CD28: variants seen among roughly 807,000 people sequenced by gnomAD.
CD28 encodes CD28 molecule.
In CD28, 8 loss-of-function variants were observed where a neutral mutation model predicts 21.4. The ratio of observed to expected loss-of-function variants is 0.37; its 90% confidence interval spans 0.22 to 0.68. The LOEUF is 0.68. Ranked by LOEUF, CD28 falls within the 30% of genes least tolerant of loss-of-function variation. The pLI, the probability that CD28 is intolerant of heterozygous loss-of-function variation, is 0.55. For missense variants in CD28, 239 were observed against 272.2 expected, an observed-to-expected ratio of 0.88 and a Z score of 0.86; for synonymous variants, 106 against 104.0, an observed-to-expected ratio of 1.02 and a Z score of -0.12.
chr2:203,708,995 G>A (rs1161000084), intron 1 of CD28, among the ~76,000 whole-genome samples: 4 of 151,948 alleles, frequency 2.6e-5, no homozygotes, highest in African/African-American at 7.3e-5. Context: ...GGTGGCATGC[G>A]CCTGTAATCC....
At chr2:203,721,026 G>T (rs1396329309) in intron 1 of CD28, among the ~76,000 whole-genome samples, 2 of 152,136 alleles carry the variant, frequency 1.3e-5, no homozygotes, top group Non-Finnish European at 2.9e-5. Flanking sequence ...ATGCTATGAG[G>T]ATATAAATAT....
At chr2:203,719,263 C>G (rs1693544964) in intron 1 of CD28, among the ~76,000 whole-genome samples, 1 of 152,134 alleles carries the variant, frequency 6.6e-6, no homozygotes, top group African/African-American at 2.4e-5. Flanking sequence ...CCCCCAATAG[C>G]CTCTTCTTTA....
rs2140148 is a variant in CD28, at chr2:203,707,417, A to T, written c.52+669A>T. 4.5e-3 allele frequency among the ~76,000 whole-genome samples: 682 copies of T among 152,234 alleles called. 5 individuals are homozygous for T. The highest frequency in any genetic ancestry group is 0.016 in the African/African-American group (645 of 41,556). On this transcript the variant is annotated intron_variant, in intron 1 of 3. Coordinates refer to ENST00000324106, the MANE Select transcript of CD28 (RefSeq NM_006139.4). Reference sequence around the variant, plus strand: ...ATAATCCATGCGAAGGGCTTAGCTCAGTCAGGCTTCAAGATAAATGTGAAC... The same window carrying T: ...ATAATCCATGCGAAGGGCTTAGCTCTGTCAGGCTTCAAGATAAATGTGAAC...
At chr2:203,732,666 C>T (rs1186395733) in intron 3 of CD28, among the ~76,000 whole-genome samples, 2 of 152,164 alleles carry the variant, frequency 1.3e-5, no homozygotes, top group South Asian at 2.1e-4. Flanking sequence ...CATTAGCTGA[C>T]ATTCACTGTT....
chr2:203,727,969 G>A (rs1209995421), intron 2 of CD28, among the ~76,000 whole-genome samples: 3 of 151,944 alleles, frequency 2.0e-5, no homozygotes, highest in Non-Finnish European at 4.4e-5. Context: ...GAGCCACCGC[G>A]CCCAGCCATT....
In CD28 at chr2:203,734,708, T is replaced by C. The variant is rs1007911944; in HGVS notation, c.535-76T>C. ...CTCTGTCATTTGACAGTTAATATTA[T>C]GAATAGTTGTGCCCACAGTCTTAGA... On this transcript the variant is annotated intron_variant, in intron 3 of 3. Transcript: ENST00000324106. 11 of 1,539,492 alleles carry C rather than the reference T, an allele frequency of 7.1e-6. 1 individual carries two copies. The African/African-American group carries it at 1.2e-4, about 17-fold the overall frequency.
rs143755569 is a variant in CD28 at position 203,713,523 on chromosome 2, T to C, written c.52+6775T>C. Reference sequence around the variant, plus strand: ...GGAAAGAGTTTCAAAAAGATAGTGGTTAATAGCATTAAACATAAGAGGGAA... The same window carrying C: ...GGAAAGAGTTTCAAAAAGATAGTGGCTAATAGCATTAAACATAAGAGGGAA... On this transcript the variant is annotated intron_variant, in intron 1 of 3. Coordinates refer to ENST00000324106, the MANE Select transcript of CD28 (RefSeq NM_006139.4). Among the ~76,000 whole-genome samples, 197 of 152,018 alleles carry C rather than the reference T, an allele frequency of 1.3e-3. 1 individual carries two copies. Among genetic ancestry groups the C allele is most frequent in the Middle Eastern group, 3.4e-3 (1 of 294 alleles).
chr2:203,713,938 A>T (rs1010867739), intron 1 of CD28, among the ~76,000 whole-genome samples: 5 of 150,018 alleles, frequency 3.3e-5, no homozygotes, highest in Non-Finnish European at 7.4e-5. Flanking sequence ...AGAGAAGGGT[A>T]TTATTAGGAA....
At chr2:203,726,389 C>A (rs1693749358) in intron 1 of CD28, among the ~76,000 whole-genome samples, 1 of 152,104 alleles carries the variant, frequency 6.6e-6, no homozygotes, top group Admixed American at 6.5e-5. Flanking sequence ...TAACAGAAAG[C>A]CATGTACTGC....
At chr2:203,734,399 C>T (rs1028032494) in intron 3 of CD28, among the ~76,000 whole-genome samples, 5 of 152,194 alleles carry the variant, frequency 3.3e-5, no homozygotes, top group Non-Finnish European at 7.3e-5. Context: ...TATGGAAAAA[C>T]AGCTTGTTAA....
intron 2 of CD28, 95 bp from the exon 3 acceptor site, chr2:203,729,553 T>C: frequency 7.8e-7 from 1 of 1,289,976 alleles, no homozygotes; most frequent in South Asian, 1.3e-5. Flanking sequence ...TTAATATTTT[T>C]ATTTCTTTCA....
At position 203,738,435 on chromosome 2, in the gene CD28, G is replaced by T. The variant is rs989913230; in HGVS notation, c.*3523G>T. On this transcript the variant is annotated 3_prime_UTR_variant, in exon 4 of 4. Transcript: ENST00000324106. The stretch of plus-strand genomic sequence containing the variant: ...TTGCTATAGACTTATTAATAATCCA[G>T]GTCAAAGAGAGTGACACACACTCTC... The T allele has an allele frequency of 6.6e-6, 1 of 152,132 alleles. No homozygotes were observed. Among genetic ancestry groups the T allele is most frequent in the Admixed American group, 6.5e-5 (1 of 15,274 alleles). 9.4% of individuals were successfully genotyped at this position (152,132 alleles called of 1,614,324 possible). A position where few individuals can be genotyped will look rare whatever the true frequency, so the allele number is the denominator to read the frequency against.
At chr2:203,728,509 T>C (rs1418133241) in intron 2 of CD28, among the ~76,000 whole-genome samples, 1 of 152,214 alleles carries the variant, frequency 6.6e-6, no homozygotes, top group East Asian at 1.9e-4. Context: ...TCTTCAATGC[T>C]GGAACAGAGC....
chr2:203,713,852 G>GGA (rs57737764), intron 1 of CD28, among the ~76,000 whole-genome samples: 36,080 of 141,384 alleles, frequency 0.26, 4,815 homozygotes, highest in Non-Finnish European at 0.31. Context: ...AGAGAGAGAG[G>GGA]GAGAGAGAGA....
rs928510448 is a variant in CD28 at position 203,737,625 on chromosome 2, T to C, written c.*2713T>C. The C allele has an allele frequency of 2.6e-5, 4 of 152,744 alleles. No individual in the cohort carries two copies. 9.5% of individuals were successfully genotyped at this position (152,744 alleles called of 1,614,324 possible). A position where few individuals can be genotyped will look rare whatever the true frequency, so the allele number is the denominator to read the frequency against. Reference sequence around the variant, plus strand: ...CCAAGAAATGGTTCAAAAACAGTGGTAGGAGCAATGCTTTCATAGTTTCAG... The same window carrying C: ...CCAAGAAATGGTTCAAAAACAGTGGCAGGAGCAATGCTTTCATAGTTTCAG... On this transcript the variant is annotated 3_prime_UTR_variant, in exon 4 of 4. Coordinates refer to ENST00000324106, the MANE Select transcript of CD28 (RefSeq NM_006139.4).
chr2:203,728,668 A>G (rs1426857291), intron 2 of CD28, among the ~76,000 whole-genome samples: 2 of 152,186 alleles, frequency 1.3e-5, no homozygotes, highest in Admixed American at 6.5e-5. Flanking sequence ...TAATATCCAA[A>G]CAGAATATTT....
intron 1 of CD28, 72 bp from the exon 2 acceptor site, chr2:203,726,561 T>C (rs1438126520): frequency 3.1e-5 from 32 of 1,033,790 alleles, no homozygotes; most frequent in East Asian, 9.5e-5. Flanking sequence ...AGTTAATTAA[T>C]ATATTTTGCT....
At chr2:203,729,897 T>G in intron 3 of CD28, 125 bp downstream of exon 3, 2 of 954,752 alleles carry the variant, frequency 2.1e-6, no homozygotes, top group Non-Finnish European at 3.1e-6. Context: ...CTTTTCCCCA[T>G]GCTTGAGTAG....
At chr2:203,711,339 G>A (rs1167726461) in intron 1 of CD28, among the ~76,000 whole-genome samples, 2 of 152,144 alleles carry the variant, frequency 1.3e-5, no homozygotes, top group Non-Finnish European at 2.9e-5. Flanking sequence ...CAGTCATTTG[G>A]TAGAGGCTTG....
Sources: allele counts gnomAD v4.1 joint callset (sites outside exome capture counted in the v4.1 genomes callset), GRCh38; gene constraint gnomAD v4.1.1; transcripts MANE v1.5; gene names NCBI Gene and HGNC (gene_info 2026-07-23, HGNC 2026-07-21).